Variants in DENND2C observed in about 807,000 individuals in gnomAD.
DENND2C encodes DENN domain containing 2C, also known as DENN domain-containing protein 2C.
DENND2C carries 72 observed loss-of-function variants against 112.4 expected under a neutral mutation model. The observed-to-expected ratio is 0.64, with a 90% CI of 0.53 to 0.78. The LOEUF (loss-of-function observed/expected upper bound fraction) is 0.78, where lower values mean the gene tolerates loss of function less well. Among genes scored for constraint, DENND2C ranks in the 30% least tolerant of loss-of-function variants. The pLI, the probability that DENND2C is intolerant of heterozygous loss-of-function variation, is 0.00. For missense variants in DENND2C, 992 were observed against 1,113.8 expected (o/e 0.89, Z 1.56); for synonymous variants, 329 against 381.6 (o/e 0.86, Z 1.61).
Position 114,586,830 on chromosome 1 carries a change from G to A in DENND2C, c.2755+557C>T, listed in dbSNP as rs575936224. ...AGGCCTCAAACTCCCGGGCTCCAGC[G>A]ATCCCCCTCGGGCCTCTCAGCCTCC... On this transcript the variant is annotated intron_variant, in intron 20 of 20. Transcript: ENST00000393274. 1.2e-4 allele frequency: 18 copies of A among 151,286 alleles called. No individual in the cohort carries two copies. In the East Asian group the frequency reaches 2.9e-3, roughly 24 times the overall value. 9.4% of individuals were successfully genotyped at this position (151,286 alleles called of 1,614,324 possible). A position where few individuals can be genotyped will look rare whatever the true frequency, so the allele number is the denominator to read the frequency against.
At chr1:114,640,794 A>C (rs1013924508) in intron 3 of DENND2C, among the ~76,000 whole-genome samples, 2 of 152,236 alleles carry the variant, frequency 1.3e-5, no homozygotes. Context: ...ATTTTTTTTA[A>C]GTTTTATCAC....
rs1655489148 is a variant in DENND2C at position 114,600,978 on chromosome 1, T to A, written c.1816-18A>T. On this transcript the variant is annotated intron_variant, in intron 13 of 20. Coordinates refer to ENST00000393274, the MANE Select transcript of DENND2C (RefSeq NM_001256404.2). ...TCCAGAATCTATATACGCAAAGTGT[T>A]ATTTTATTATGGACTAAGTTAAAAA... 1.9e-6 allele frequency: 3 copies of A among 1,604,958 alleles called. No homozygotes were observed. The East Asian group carries it at 6.7e-5, about 36-fold the overall frequency.
intron 18 of DENND2C, among the ~76,000 whole-genome samples, chr1:114,588,754 A>G (rs1655109390): frequency 1.3e-5 from 2 of 152,196 alleles, no homozygotes; most frequent in African/African-American, 4.8e-5. Context: ...TTTTTTAAAT[A>G]AAGATTTTTT....
chr1:114,616,095 AAAAG>A (rs1382814273), intron 8 of DENND2C, among the ~76,000 whole-genome samples: 1 of 151,164 alleles, frequency 6.6e-6, no homozygotes, highest in East Asian at 1.9e-4. Flanking sequence ...AAGAAAAAGA[AAAAG>A]AAAATTCTGG....
chr1:114,629,271 T>G (rs950804870), intron 3 of DENND2C, among the ~76,000 whole-genome samples: 4 of 152,276 alleles, frequency 2.6e-5, no homozygotes, highest in Middle Eastern at 3.4e-3. Context: ...ACATAAAAAC[T>G]CAAGCATGAC....
chr1:114,631,674 C>T (rs755128518), intron 3 of DENND2C, among the ~76,000 whole-genome samples: 46 of 151,790 alleles, frequency 3.0e-4, no homozygotes, highest in Non-Finnish European at 5.6e-4. Flanking sequence ...CCCAGCTACT[C>T]GGGAGACTGA....
chr1:114,591,113 A>C (rs1472327518), intron 18 of DENND2C, among the ~76,000 whole-genome samples: 1 of 151,992 alleles, frequency 6.6e-6, no homozygotes, highest in Admixed American at 6.5e-5. Context: ...CTACAGGCAC[A>C]CATCAACACT....
rs185164348 is a variant in DENND2C, at chr1:114,607,282, A to G, written c.1557+1404T>C. On this transcript the variant is annotated intron_variant, in intron 10 of 20. Coordinates refer to ENST00000393274, the MANE Select transcript of DENND2C (RefSeq NM_001256404.2). ...AAATTCAAAGATAAAATTATTTAGC[A>G]TTTCAAGATGGTGACTGCAGATCAT... is the stretch of plus-strand genomic sequence containing the variant. 2.2e-3 allele frequency among the ~76,000 whole-genome samples: 332 copies of G among 152,330 alleles called. 6 individuals carry two copies. In the South Asian group the frequency reaches 0.024, roughly 11 times the overall value.
At chr1:114,639,181 T>C (rs965505907) in intron 3 of DENND2C, among the ~76,000 whole-genome samples, 18 of 152,094 alleles carry the variant, frequency 1.2e-4, no homozygotes, top group Admixed American at 2.6e-4. Flanking sequence ...AGAATGACAA[T>C]ACAAAAGATT....
intron 2 of DENND2C, among the ~76,000 whole-genome samples, chr1:114,651,556 T>G (rs1223299291): frequency 2.0e-5 from 3 of 151,998 alleles, no homozygotes; most frequent in Non-Finnish European, 2.9e-5. Flanking sequence ...CTGGCCAACA[T>G]GGTGAAACCC....
chr1:114,623,209 A>C, intron 5 of DENND2C, 110 bp from the exon 6 acceptor site: 2 of 1,020,662 alleles, frequency 2.0e-6, no homozygotes, highest in African/African-American at 3.3e-5. Flanking sequence ...CTTATTCTAC[A>C]TTGCTGTAGG....
chr1:114,622,821 GTA>G (rs1192764310), intron 6 of DENND2C, among the ~76,000 whole-genome samples, 164 bp downstream of exon 6: 11 of 148,808 alleles, frequency 7.4e-5, no homozygotes, highest in Admixed American at 3.3e-4. Flanking sequence ...AAAAAAAGCT[GTA>G]TGTTATCCCA....
intron 1 of DENND2C, among the ~76,000 whole-genome samples, chr1:114,665,240 G>T (rs1657613633): frequency 6.8e-6 from 1 of 146,314 alleles, no homozygotes; most frequent in African/African-American, 2.6e-5. Context: ...CTGTATTCCA[G>T]CCAGGGTAGC....
At chr1:114,633,320 C>T (rs1470982336) in intron 3 of DENND2C, among the ~76,000 whole-genome samples, 1 of 150,688 alleles carries the variant, frequency 6.6e-6, no homozygotes, top group African/African-American at 2.4e-5. Context: ...TGGTGCCTGC[C>T]AGTAATCCTA....
chr1:114,587,667 T>G (rs748098478), intron 19 of DENND2C, 49 bp downstream of exon 19: 36 of 1,510,844 alleles, frequency 2.4e-5, no homozygotes, highest in Non-Finnish European at 3.1e-5. Flanking sequence ...AGTAAAATCT[T>G]TCAAGGTATT....
chr1:114,610,643 T>A (rs1160712467), intron 9 of DENND2C, among the ~76,000 whole-genome samples: 1 of 148,456 alleles, frequency 6.7e-6, no homozygotes, highest in Non-Finnish European at 1.5e-5. Context: ...GAGGTTGCAG[T>A]GAGCCGAGCT....
chr1:114,625,072 G>A, intron 4 of DENND2C, 107 bp downstream of exon 4: 1 of 1,100,904 alleles, frequency 9.1e-7, no homozygotes, highest in Non-Finnish European at 1.3e-6. Context: ...CAAAGCAGGG[G>A]CATCACCTAA....
chr1:114,608,755 C>T lies in DENND2C; in HGVS notation c.1488G>A (p.Val496=), dbSNP rs756164571. 1.2e-6 allele frequency: 2 copies of T among 1,614,146 alleles called. No individual in the cohort carries two copies. Among genetic ancestry groups the T allele is most frequent in the Non-Finnish European group, 1.7e-6 (2 of 1,180,026 alleles). Residue 496 remains valine (V), a synonymous_variant, in exon 10 of 21, where the codon GTG becomes GTA. Coordinates refer to ENST00000393274, the MANE Select transcript of DENND2C (RefSeq NM_001256404.2). Reference sequence around the variant, plus strand: ...CTGATGGTTTCTTCTGTAGAGACACCACCACAAAAAGTTCAAACAGCTGCT... The same window carrying T: ...CTGATGGTTTCTTCTGTAGAGACACTACCACAAAAAGTTCAAACAGCTGCT... The part of the protein sequence containing the change: ...QEQQLFELFV[V]VSLQKKPSGI...
rs374656477 is a variant in DENND2C, at chr1:114,587,713, G to A, written c.2668+3C>T. ...AGAGGGAGAACTTTATAATGAAACT[G>A]ACCTTTAACTCCACTTTTCCGAAGC... On this transcript the variant is annotated splice_donor_region_variant and intron_variant, in intron 19 of 20. Transcript: ENST00000393274. 3.8e-4 allele frequency: 612 copies of A among 1,600,588 alleles called. 10 individuals are homozygous for A. The South Asian group carries it at 6.2e-3, about 16-fold the overall frequency.
Sources: allele counts gnomAD v4.1 joint callset (sites outside exome capture counted in the v4.1 genomes callset), GRCh38; gene constraint gnomAD v4.1.1; transcripts MANE v1.5; gene names NCBI Gene and HGNC (gene_info 2026-07-23, HGNC 2026-07-21).